Variants in ASB7 observed in about 807,000 individuals in gnomAD.
The protein encoded by ASB7 is ankyrin repeat and SOCS box containing 7.
A neutral mutation model predicts 32.5 loss-of-function variants in ASB7; 4 were observed. That is an observed-to-expected ratio of 0.12 (90% CI 0.06 to 0.28). The LOEUF (loss-of-function observed/expected upper bound fraction) is 0.28, where lower values mean the gene tolerates loss of function less well. Among genes scored for constraint, ASB7 ranks in the 10% least tolerant of loss-of-function variants. The pLI is 1.00. For synonymous variants in ASB7, 172 were observed against 155.6 expected (o/e 1.11, Z -0.78); for missense variants, 181 against 407.1 (o/e 0.44, Z 4.78).
rs555636930 is a variant in ASB7, at chr15:100,628,608, G to A, written c.212-829G>A. On this transcript the variant is annotated intron_variant, in intron 4 of 5. Coordinates refer to ENST00000332783, the MANE Select transcript of ASB7 (RefSeq NM_198243.3). ...CAGCCAGGGATGCCATGGGGTGAACGCCATCAAGAACCAACCTTTGGCTTA... is the reference window on the plus strand; with the variant it reads ...CAGCCAGGGATGCCATGGGGTGAACACCATCAAGAACCAACCTTTGGCTTA... Among the ~76,000 whole-genome samples the A allele has an allele frequency of 1.1e-4, 16 of 152,296 alleles. No individual in the cohort carries two copies. The East Asian group carries it at 1.9e-3, about 18-fold the overall frequency.
At chr15:100,645,590 A>G in intron 5 of ASB7, 1 of 726,826 alleles carries the variant, frequency 1.4e-6, no homozygotes, top group East Asian at 2.7e-5. Flanking sequence ...GGTGTTATAT[A>G]AGGATCCTGA....
chr15:100,613,270 A>G (rs1043308936), intron 4 of ASB7, among the ~76,000 whole-genome samples: 1 of 152,236 alleles, frequency 6.6e-6, no homozygotes, highest in Non-Finnish European at 1.5e-5. Context: ...GCACTTTGTT[A>G]CAAAACTAGC....
At chr15:100,632,330 T>G (rs991597310) in intron 5 of ASB7, among the ~76,000 whole-genome samples, 4 of 152,192 alleles carry the variant, frequency 2.6e-5, no homozygotes, top group South Asian at 4.1e-4. Flanking sequence ...CTGTTAAGGC[T>G]CCAGTTGTCC....
In ASB7 at chr15:100,627,951, G is replaced by A. The variant is rs577051880; in HGVS notation, c.212-1486G>A. Among the ~76,000 whole-genome samples the A allele has an allele frequency of 4.6e-5, 7 of 152,184 alleles. No homozygotes were observed. The South Asian group carries it at 1.2e-3, about 27-fold the overall frequency. On this transcript the variant is annotated intron_variant, in intron 4 of 5. Transcript: ENST00000332783. ...CTTAAGGGCTCAGCAGTATCTGCCCGGTGGAAACATTAGTGTCATGCTCAT... is the reference window on the plus strand; with the variant it reads ...CTTAAGGGCTCAGCAGTATCTGCCCAGTGGAAACATTAGTGTCATGCTCAT...
At position 100,647,200 on chromosome 15, in the gene ASB7, G is replaced by A. The variant is rs371267129; in HGVS notation, c.818-1123G>A. Among the ~76,000 whole-genome samples the A allele has an allele frequency of 1.2e-4, 18 of 152,184 alleles. No individual in the cohort carries two copies. In the South Asian group the frequency reaches 1.2e-3, roughly 11 times the overall value. ...CCCACATAAAAGTTTCTGGGGGTTCGCAATAATTTTTTAAAGTGTAAAGGA... is the reference window on the plus strand; with the variant it reads ...CCCACATAAAAGTTTCTGGGGGTTCACAATAATTTTTTAAAGTGTAAAGGA... On this transcript the variant is annotated intron_variant, in intron 5 of 5. Coordinates refer to ENST00000332783, the MANE Select transcript of ASB7 (RefSeq NM_198243.3).
chr15:100,645,588 A>G (rs752193755), intron 5 of ASB7: 9 of 723,912 alleles, frequency 1.2e-5, no homozygotes, highest in Non-Finnish European at 2.3e-5. Flanking sequence ...ACGGTGTTAT[A>G]TAAGGATCCT....
chr15:100,618,302 A>T (rs1288986828), intron 4 of ASB7, among the ~76,000 whole-genome samples: 1 of 151,212 alleles, frequency 6.6e-6, no homozygotes, highest in Non-Finnish European at 1.5e-5. Flanking sequence ...TTTAGTAGAG[A>T]CGGGGTTTCA....
At chr15:100,635,279 A>G (rs1328412407) in intron 5 of ASB7, among the ~76,000 whole-genome samples, 1 of 152,202 alleles carries the variant, frequency 6.6e-6, no homozygotes, top group Non-Finnish European at 1.5e-5. Context: ...CTTAATAATT[A>G]ATGGTTGTTT....
intron 4 of ASB7, among the ~76,000 whole-genome samples, chr15:100,614,954 A>G (rs2039729580): frequency 6.6e-6 from 1 of 151,874 alleles, no homozygotes; most frequent in Admixed American, 6.6e-5. Flanking sequence ...TCAATCATGG[A>G]CCCCATTTAC....
Position 100,649,233 on chromosome 15 carries a change from G to A in ASB7, c.*771G>A, listed in dbSNP as rs1412005186. On this transcript the variant is annotated 3_prime_UTR_variant, in exon 6 of 6. Coordinates refer to ENST00000332783, the MANE Select transcript of ASB7 (RefSeq NM_198243.3). ...GTATTCTGTTTTTAAAACTGTGCCT[G>A]CAGTGCAATACTCCTTCTGGTGTAT... The A allele has an allele frequency of 6.6e-6, 1 of 152,394 alleles. No individual in the cohort carries two copies. The highest frequency in any genetic ancestry group is 1.5e-5 in the Non-Finnish European group (1 of 68,028). 9.4% of individuals were successfully genotyped at this position (152,394 alleles called of 1,614,324 possible). A position where few individuals can be genotyped will look rare whatever the true frequency, so the allele number is the denominator to read the frequency against.
chr15:100,644,633 T>C (rs1045969649), intron 5 of ASB7, among the ~76,000 whole-genome samples: 1 of 152,214 alleles, frequency 6.6e-6, no homozygotes, highest in African/African-American at 2.4e-5. Flanking sequence ...GCATGTCATA[T>C]AGTGAGGAAG....
At chr15:100,628,984 A>T (rs1021385653) in intron 4 of ASB7, among the ~76,000 whole-genome samples, 1 of 152,226 alleles carries the variant, frequency 6.6e-6, no homozygotes, top group African/African-American at 2.4e-5. Context: ...GTGCCAGAGC[A>T]TAGTGTATCT....
At chr15:100,645,254 A>G (rs745771580) in intron 5 of ASB7, among the ~76,000 whole-genome samples, 3 of 152,218 alleles carry the variant, frequency 2.0e-5, no homozygotes, top group Non-Finnish European at 4.4e-5. Context: ...CTTTTGTATT[A>G]TAAATACAAA....
intron 5 of ASB7, among the ~76,000 whole-genome samples, chr15:100,636,619 T>C (rs1209855195): frequency 2.0e-5 from 3 of 152,174 alleles, no homozygotes; most frequent in African/African-American, 4.8e-5. Flanking sequence ...CCCGCTGGGA[T>C]CAGCTTCCTT....
At chr15:100,603,809 A>G (rs908006622) in intron 2 of ASB7, among the ~76,000 whole-genome samples, 2 of 152,258 alleles carry the variant, frequency 1.3e-5, no homozygotes, top group Non-Finnish European at 2.9e-5. Flanking sequence ...AGAGAAAGGT[A>G]AATTATTGGC....
At chr15:100,635,652 C>G (rs566487903) in intron 5 of ASB7, among the ~76,000 whole-genome samples, 3 of 152,224 alleles carry the variant, frequency 2.0e-5, no homozygotes, top group Non-Finnish European at 2.9e-5. Flanking sequence ...CTCTGTTACA[C>G]GGTGAAGCCC....
intron 3 of ASB7, among the ~76,000 whole-genome samples, chr15:100,610,418 C>T (rs1400641516): frequency 6.6e-6 from 1 of 151,528 alleles, no homozygotes; most frequent in African/African-American, 2.4e-5. Context: ...AGGTGTGAAC[C>T]CGGGAGGTGG....
chr15:100,646,330 G>A (rs761102269), intron 5 of ASB7: 1 of 378,368 alleles, frequency 2.6e-6, no homozygotes, highest in African/African-American at 2.1e-5. Flanking sequence ...CCATACCTCT[G>A]TCCCTTGAAT....
intron 2 of ASB7, among the ~76,000 whole-genome samples, chr15:100,608,193 C>T (rs2039663873): frequency 6.6e-6 from 1 of 152,180 alleles, no homozygotes. Flanking sequence ...TCACTGGGGA[C>T]ACTGATTTGC....
Sources: gnomAD v4.1 joint callset for allele counts (sites outside exome capture counted in the v4.1 genomes callset) on GRCh38, gnomAD v4.1.1 for gene constraint, MANE v1.5 for transcripts, NCBI Gene and HGNC (gene_info 2026-07-23, HGNC 2026-07-21) for gene names.